The following EFCAB5 variants were observed in gnomAD, a reference collection of about 807,000 sequenced individuals.
EFCAB5 encodes the protein EF-hand calcium binding domain 5.
EFCAB5 carries 131 observed loss-of-function variants against 167.9 expected under a neutral mutation model. That is an observed-to-expected ratio of 0.78 (90% CI 0.68 to 0.90). The LOEUF is 0.90. Among genes scored for constraint, EFCAB5 ranks in the 40% least tolerant of loss-of-function variants. EFCAB5 has a pLI of 0.00. For missense variants in EFCAB5, 1,663 were observed against 1,745.2 expected (o/e 0.95, Z 0.84); for synonymous variants, 574 against 602.8 (o/e 0.95, Z 0.70).
At position 29,951,488 on chromosome 17, in the gene EFCAB5, C is replaced by T. The variant is rs1395092879; in HGVS notation, c.190+7839C>T. Among the ~76,000 whole-genome samples the T allele has an allele frequency of 2.0e-5, 3 of 151,356 alleles. No homozygotes were observed. In the Admixed American group the frequency reaches 2.0e-4, roughly 10 times the overall value. ...AAGTAGCTGGGACCACAGGTGCCCG[C>T]CACCACACCTGGCTAATTTTTTGTA... is the stretch of plus-strand genomic sequence containing the variant. On this transcript the variant is annotated intron_variant, in intron 3 of 22. Transcript: ENST00000394835.
chr17:29,989,672 T>G (rs2068369829), intron 4 of EFCAB5, among the ~76,000 whole-genome samples: 1 of 152,144 alleles, frequency 6.6e-6, no homozygotes, highest in African/African-American at 2.4e-5. Flanking sequence ...TTTACCTGAT[T>G]TTTTCTTAAT....
intron 18 of EFCAB5, among the ~76,000 whole-genome samples, chr17:30,084,042 TG>T (rs2071039999): frequency 6.6e-6 from 1 of 152,230 alleles, no homozygotes; most frequent in South Asian, 2.1e-4. Flanking sequence ...TGAATGACTC[TG>T]GGAGGTGCTT....
At chr17:30,069,459 A>C in intron 14 of EFCAB5, 1 of 1,572,272 alleles carries the variant, frequency 6.4e-7, no homozygotes, top group Admixed American at 1.7e-5. Flanking sequence ...TTGCAACAGG[A>C]AGCTGAGATT....
chr17:30,071,484 A>G, intron 14 of EFCAB5, among the ~76,000 whole-genome samples: 1 of 151,634 alleles, frequency 6.6e-6, no homozygotes, highest in Admixed American at 6.6e-5. Flanking sequence ...GCTATTACTA[A>G]AAAGACAAAA....
At chr17:30,054,768 T>G (rs1306650455) in intron 10 of EFCAB5, among the ~76,000 whole-genome samples, 2 of 152,234 alleles carry the variant, frequency 1.3e-5, no homozygotes, top group African/African-American at 4.8e-5. Flanking sequence ...CTGTGCACCA[T>G]TCTGAGTAGT....
intron 13 of EFCAB5, chr17:30,059,274 A>AT (rs1207901620): frequency 5.5e-5 from 12 of 218,898 alleles, no homozygotes; most frequent in African/African-American, 6.8e-5. Context: ...TTTAAAAAAA[A>AT]TTTTTTTTAA....
At chr17:30,077,302 A>G (rs561114040) in intron 14 of EFCAB5, among the ~76,000 whole-genome samples, 1 of 152,278 alleles carries the variant, frequency 6.6e-6, no homozygotes, top group African/African-American at 2.4e-5. Context: ...ACTCAGTCTC[A>G]AAAAGATAAA....
intron 4 of EFCAB5, among the ~76,000 whole-genome samples, chr17:29,975,412 T>C (rs1332324081): frequency 3.3e-5 from 5 of 152,050 alleles, no homozygotes; most frequent in Non-Finnish European, 7.4e-5. Flanking sequence ...CGTACCACCA[T>C]GCCCAGCTAA....
At chr17:29,972,194 C>T (rs890005443) in intron 4 of EFCAB5, among the ~76,000 whole-genome samples, 3 of 143,446 alleles carry the variant, frequency 2.1e-5, no homozygotes, top group Non-Finnish European at 3.0e-5. Context: ...CCCGCCACCA[C>T]GCCCGGCTAA....
At chr17:30,068,786 C>A in intron 14 of EFCAB5, 1 of 1,346,020 alleles carries the variant, frequency 7.4e-7, no homozygotes, top group Non-Finnish European at 1.1e-6. Flanking sequence ...TCCAGCCGGG[C>A]CCGCGAAATG....
Position 30,080,924 on chromosome 17 carries a change from C to A in EFCAB5, c.3369C>A (p.Thr1123=), listed in dbSNP as rs1420531355. 6.2e-7 allele frequency: 1 copy of A among 1,613,398 alleles called. No homozygotes were observed. Among genetic ancestry groups the A allele is most frequent in the South Asian group, 1.1e-5 (1 of 91,062 alleles). The change falls in exon 17 of 23, where the codon ACC becomes ACA. Residue 1123 remains threonine (T), a synonymous_variant. Transcript: ENST00000394835. ...TCTTTGGGGTCTTGGCTGTTGATAC[C>A]CTTAGAGATCCCCACGAAATAAACA... ...MRIFGVLAVD[T]LRDPHEINIF...
intron 3 of EFCAB5, among the ~76,000 whole-genome samples, chr17:29,948,078 G>C (rs373909981): frequency 3.7e-4 from 56 of 152,154 alleles, no homozygotes; most frequent in African/African-American, 1.2e-3. Context: ...CGCCCACCTC[G>C]GCCTCCCAAA....
chr17:30,101,275 A>G (rs1211560552), intron 22 of EFCAB5, among the ~76,000 whole-genome samples: 1 of 152,232 alleles, frequency 6.6e-6, no homozygotes, highest in Non-Finnish European at 1.5e-5. Context: ...GAGACCAACT[A>G]GAGGAGTTGT....
chr17:29,945,050 TA>T (rs2151520770), intron 3 of EFCAB5, among the ~76,000 whole-genome samples: 1 of 152,302 alleles, frequency 6.6e-6, no homozygotes, highest in East Asian at 1.9e-4. Flanking sequence ...TTTATAGGAT[TA>T]AAAAGTCTTC....
intron 3 of EFCAB5, among the ~76,000 whole-genome samples, chr17:29,958,634 T>C (rs1049701037): frequency 4.6e-5 from 7 of 152,214 alleles, no homozygotes; most frequent in Admixed American, 3.3e-4. Flanking sequence ...GACTCTGGGA[T>C]TGGTCACTGT....
intron 7 of EFCAB5, among the ~76,000 whole-genome samples, chr17:30,012,923 T>A (rs917299679): frequency 8.5e-5 from 13 of 152,236 alleles, no homozygotes; most frequent in Non-Finnish European, 1.6e-4. Context: ...CCATTCAGTA[T>A]GATATTGGCT....
chr17:30,069,292 A>C lies in EFCAB5; in HGVS notation c.2738-8923A>C. 3.4e-6 allele frequency: 5 copies of C among 1,492,508 alleles called. No homozygotes were observed. The Admixed American group carries it at 5.0e-5, about 15-fold the overall frequency. 92.5% of individuals were successfully genotyped at this position (1,492,508 alleles called of 1,614,324 possible). On this transcript the variant is annotated intron_variant, in intron 14 of 22. Coordinates refer to ENST00000394835, the MANE Select transcript of EFCAB5 (RefSeq NM_198529.4). The stretch of plus-strand genomic sequence containing the variant: ...AATTGGGAACATGGGGAGATGGCAA[A>C]GGTGAAGATGAGTTATCCCCAGAAG...
At chr17:29,945,936 TTATAATGAAGACTCCAAA>T (rs1395884666) in intron 3 of EFCAB5, among the ~76,000 whole-genome samples, 1 of 152,104 alleles carries the variant, frequency 6.6e-6, no homozygotes, top group Non-Finnish European at 1.5e-5. Context: ...GGCAAAGAAT[TTATAATGAAGACTCCAAA>T]AGCAAATGCA....
At chr17:29,937,206 T>TA (rs2067252492), upstream of EFCAB5, among the ~76,000 whole-genome samples, 1 of 151,996 alleles carries the variant, frequency 6.6e-6, no homozygotes, top group African/African-American at 2.4e-5. Context: ...TTTATTTATT[T>TA]TTTTTTTGAG....
Sources: allele counts gnomAD v4.1 joint callset (sites outside exome capture counted in the v4.1 genomes callset), GRCh38; gene constraint gnomAD v4.1.1; transcripts MANE v1.5; gene names NCBI Gene and HGNC (gene_info 2026-07-23, HGNC 2026-07-21).